Variants in FBXL7 observed in about 807,000 individuals in gnomAD.
FBXL7 encodes F-box/LRR-repeat protein 7.
A neutral mutation model predicts 38.3 loss-of-function variants in FBXL7; 12 were observed. The observed-to-expected ratio is 0.31, with a 90% CI of 0.20 to 0.51. The LOEUF (loss-of-function observed/expected upper bound fraction) is 0.51, where lower values mean the gene tolerates loss of function less well. Ranked by LOEUF, FBXL7 falls within the 20% of genes least tolerant of loss-of-function variation. The pLI is 0.98. For synonymous variants in FBXL7, 297 were observed against 300.9 expected (o/e 0.99, Z 0.13); for missense variants, 567 against 676.4 (o/e 0.84, Z 1.79).
chr5:15,901,746 A>G (rs893386845), intron 2 of FBXL7, among the ~76,000 whole-genome samples: 6 of 152,152 alleles, frequency 3.9e-5, no homozygotes, highest in Non-Finnish European at 8.8e-5. Flanking sequence ...CATACATAGC[A>G]CAGTGCACTA....
chr5:15,706,455 T>G (rs989443568), intron 2 of FBXL7, among the ~76,000 whole-genome samples: 1 of 152,184 alleles, frequency 6.6e-6, no homozygotes, highest in African/African-American at 2.4e-5. Flanking sequence ...ATGAGCCAAT[T>G]AAACCTCTTT....
intron 2 of FBXL7, among the ~76,000 whole-genome samples, chr5:15,621,637 C>T (rs1345694835): frequency 1.3e-5 from 2 of 152,170 alleles, no homozygotes; most frequent in African/African-American, 4.8e-5. Context: ...GGCTATGGCT[C>T]TATGGGCGGG....
intron 2 of FBXL7, among the ~76,000 whole-genome samples, chr5:15,738,750 CTT>C (rs1051054126): frequency 2.6e-5 from 4 of 152,216 alleles, no homozygotes; most frequent in Admixed American, 2.0e-4. Context: ...ACCTTTGCAT[CTT>C]TCTCCATAAA....
At chr5:15,601,039 G>A (rs115143312) in intron 1 of FBXL7, among the ~76,000 whole-genome samples, 2 of 152,314 alleles carry the variant, frequency 1.3e-5, no homozygotes, top group African/African-American at 2.4e-5. Context: ...CTTTATGGCT[G>A]AGATGGCTTG....
chr5:15,541,127 C>T (rs1737728979), intron 1 of FBXL7, among the ~76,000 whole-genome samples: 1 of 151,380 alleles, frequency 6.6e-6, no homozygotes, highest in Non-Finnish European at 1.5e-5. Context: ...TTTGGCTAAA[C>T]TATTTGCAAA....
intron 1 of FBXL7, among the ~76,000 whole-genome samples, chr5:15,504,026 G>A (rs1335401855): frequency 2.0e-5 from 3 of 152,220 alleles, no homozygotes; most frequent in Non-Finnish European, 4.4e-5. Context: ...TGTATTCCAA[G>A]GACTAGCGCT....
Position 15,779,631 on chromosome 5 carries a change from G to A in FBXL7, c.128-148259G>A, listed in dbSNP as rs77447791. 1.3e-3 allele frequency among the ~76,000 whole-genome samples: 195 copies of A among 152,102 alleles called. 1 individual carries two copies. The East Asian group carries it at 0.021, about 16-fold the overall frequency. On this transcript the variant is annotated intron_variant, in intron 2 of 3. Transcript: ENST00000504595. ...TTCCGAGTTCTAAGGAAAATCAGCC[G>A]TGGCCCATTAAAAAACCCTTCATAT...
chr5:15,642,585 T>C (rs958746562), intron 2 of FBXL7, among the ~76,000 whole-genome samples: 2 of 152,208 alleles, frequency 1.3e-5, no homozygotes, highest in African/African-American at 4.8e-5. Context: ...GAGAACTAAC[T>C]GAGCCTTTCA....
chr5:15,871,460 T>G (rs1030348501), intron 2 of FBXL7, among the ~76,000 whole-genome samples: 2 of 152,114 alleles, frequency 1.3e-5, no homozygotes, highest in African/African-American at 4.8e-5. Flanking sequence ...GTTTGACGAA[T>G]TGACAGAAGT....
At chr5:15,552,996 C>T (rs531791747) in intron 1 of FBXL7, among the ~76,000 whole-genome samples, 5 of 151,838 alleles carry the variant, frequency 3.3e-5, no homozygotes, top group South Asian at 2.1e-4. Context: ...GCAGGAGAAT[C>T]GCTAGAACCC....
At chr5:15,782,135 T>A (rs764405264) in intron 2 of FBXL7, among the ~76,000 whole-genome samples, 3 of 152,186 alleles carry the variant, frequency 2.0e-5, no homozygotes, top group Admixed American at 6.5e-5. Context: ...TCCAGCTTCA[T>A]CCATGTCCCT....
intron 2 of FBXL7, among the ~76,000 whole-genome samples, chr5:15,865,443 T>C (rs1170862799): frequency 2.0e-5 from 3 of 152,198 alleles, no homozygotes; most frequent in Admixed American, 1.3e-4. Flanking sequence ...AGATTATATA[T>C]GTCAGGAGGA....
Position 15,581,035 on chromosome 5 carries a change from G to A in FBXL7, c.38-34948G>A, listed in dbSNP as rs557767987. Among the ~76,000 whole-genome samples, 7 of 152,224 alleles carry A rather than the reference G, an allele frequency of 4.6e-5. No homozygotes were observed. The East Asian group carries it at 9.7e-4, about 21-fold the overall frequency. Reference sequence around the variant, plus strand: ...GGACAGATGCTGCTAGCTGGTGAGCGGAGCCCACTTGCTTCCTTACATATA... The same window carrying A: ...GGACAGATGCTGCTAGCTGGTGAGCAGAGCCCACTTGCTTCCTTACATATA... On this transcript the variant is annotated intron_variant, in intron 1 of 3. Transcript: ENST00000504595.
At chr5:15,501,865 T>A in intron 1 of FBXL7, 1 of 314,588 alleles carries the variant, frequency 3.2e-6, no homozygotes, top group Non-Finnish European at 4.5e-6. Context: ...TGTGCATGTG[T>A]ATGTGTGTGT....
At chr5:15,829,990 T>C (rs1359110950) in intron 2 of FBXL7, among the ~76,000 whole-genome samples, 3 of 152,134 alleles carry the variant, frequency 2.0e-5, no homozygotes, top group Non-Finnish European at 4.4e-5. Flanking sequence ...GAGAATTACA[T>C]GTTGTGATGA....
At chr5:15,853,943 G>A (rs1313342379) in intron 2 of FBXL7, among the ~76,000 whole-genome samples, 1 of 152,122 alleles carries the variant, frequency 6.6e-6, no homozygotes, top group Non-Finnish European at 1.5e-5. Context: ...TTTGATCTTT[G>A]CAAGTCTCTT....
At chr5:15,541,441 G>A (rs375677693) in intron 1 of FBXL7, among the ~76,000 whole-genome samples, 5 of 53,370 alleles carry the variant, frequency 9.4e-5, no homozygotes, top group African/African-American at 1.3e-4. Context: ...ATGTGTGTGT[G>A]TGTATATATA....
chr5:15,543,047 AG>A (rs1737800620), intron 1 of FBXL7, among the ~76,000 whole-genome samples: 1 of 152,206 alleles, frequency 6.6e-6, no homozygotes, highest in Admixed American at 6.5e-5. Flanking sequence ...TCCATTTCTG[AG>A]TAATACAGAA....
intron 2 of FBXL7, among the ~76,000 whole-genome samples, chr5:15,905,862 T>TCGACCC (rs1741345152): frequency 6.6e-6 from 1 of 152,042 alleles, no homozygotes; most frequent in African/African-American, 2.4e-5. Context: ...TGCCTCCTCT[T>TCGACCC]CGACCCCAAC....
Sources: allele counts gnomAD v4.1 joint callset (sites outside exome capture counted in the v4.1 genomes callset), GRCh38; gene constraint gnomAD v4.1.1; transcripts MANE v1.5; gene names NCBI Gene and HGNC (gene_info 2026-07-23, HGNC 2026-07-21).